Variants in TXNRD1 observed in about 807,000 individuals in gnomAD.
TXNRD1 encodes the protein thioredoxin reductase 1.
A neutral mutation model predicts 80.3 loss-of-function variants in TXNRD1; 57 were observed. The ratio of observed to expected loss-of-function variants is 0.71; its 90% confidence interval spans 0.57 to 0.89. TXNRD1 has a LOEUF of 0.89. Among genes scored for constraint, TXNRD1 ranks in the 40% least tolerant of loss-of-function variants. The pLI, the probability that TXNRD1 is intolerant of heterozygous loss-of-function variation, is 0.00. For missense variants in TXNRD1, 730 were observed against 803.0 expected (o/e 0.91, Z 1.10); for synonymous variants, 291 against 285.2 (o/e 1.02, Z -0.20).
At chr12:104,336,448 G>T (rs999617165) in intron 15 of TXNRD1, among the ~76,000 whole-genome samples, 1 of 152,128 alleles carries the variant, frequency 6.6e-6, no homozygotes, top group Admixed American at 6.5e-5. Flanking sequence ...CACTATCCCT[G>T]GGGCGTGCTT....
chr12:104,254,995 C>T (rs1331110961), intron 2 of TXNRD1, among the ~76,000 whole-genome samples: 3 of 151,984 alleles, frequency 2.0e-5, no homozygotes, highest in African/African-American at 7.2e-5. Flanking sequence ...ATCCCAGCTA[C>T]TCAGGAGGCA....
In TXNRD1 at chr12:104,339,243, C is replaced by T. The variant is rs374678730; in HGVS notation, c.1851C>T (p.Ser617=). Reference sequence around the variant, plus strand: ...GACTGACCAAAAAGCAGCTGGACAGCACAATTGGAATCCACCCTGTCTGTG... The same window carrying T: ...GACTGACCAAAAAGCAGCTGGACAGTACAATTGGAATCCACCCTGTCTGTG... The part of the protein sequence containing the change: ...KCGLTKKQLD[S]TIGIHPVCAE... The change falls in exon 16 of 17, where the codon AGC becomes AGT. Residue 617 remains serine, a synonymous_variant. Transcript: ENST00000525566. 1.4e-5 allele frequency: 23 copies of T among 1,613,782 alleles called. No individual in the cohort carries two copies. In the African/African-American group the frequency reaches 2.8e-4, roughly 20 times the overall value.
At chr12:104,226,455 A>C (rs1041669519) in intron 1 of TXNRD1, among the ~76,000 whole-genome samples, 1 of 152,194 alleles carries the variant, frequency 6.6e-6, no homozygotes, top group Non-Finnish European at 1.5e-5. Context: ...ATATAATAAC[A>C]GTGTAGCCTC....
chr12:104,256,594 C>T (rs984368950), intron 2 of TXNRD1, among the ~76,000 whole-genome samples: 11 of 151,986 alleles, frequency 7.2e-5, no homozygotes, highest in African/African-American at 2.4e-4. Context: ...TCCTGGCCAA[C>T]ATGGTGAAAC....
intron 4 of TXNRD1, among the ~76,000 whole-genome samples, chr12:104,295,935 T>A (rs2034423228): frequency 6.6e-6 from 1 of 152,238 alleles, no homozygotes; most frequent in Non-Finnish European, 1.5e-5. Flanking sequence ...GTTGAATACC[T>A]ATTATGTGTT....
Position 104,251,698 on chromosome 12 carries a change from G to A in TXNRD1, c.243+20G>A, listed in dbSNP as rs372547917. The A allele has an allele frequency of 2.4e-5, 39 of 1,601,794 alleles. No homozygotes were observed. Among genetic ancestry groups the A allele is most frequent in the Non-Finnish European group, 3.2e-5 (38 of 1,175,046 alleles). ...ACTGAGGTAAGGCTTTAAACTCAAG[G>A]GGTTTAAATGGAATTGAAGGAATTT... On this transcript the variant is annotated intron_variant, in intron 2 of 16. Transcript: ENST00000525566.
chr12:104,297,832 C>T (rs1359661941), intron 4 of TXNRD1, among the ~76,000 whole-genome samples: 1 of 152,146 alleles, frequency 6.6e-6, no homozygotes, highest in Admixed American at 6.5e-5. Context: ...TAGCCACATA[C>T]CCAGTCCTTC....
chr12:104,223,092 A>T (rs972270714), intron 1 of TXNRD1, among the ~76,000 whole-genome samples: 2 of 152,238 alleles, frequency 1.3e-5, no homozygotes, highest in East Asian at 1.9e-4. Context: ...ATTTTTCTTA[A>T]GATTGTGGAT....
At chr12:104,228,062 G>C (rs2032516235) in intron 1 of TXNRD1, among the ~76,000 whole-genome samples, 1 of 152,120 alleles carries the variant, frequency 6.6e-6, no homozygotes, top group Non-Finnish European at 1.5e-5. Context: ...CGGCACTTTG[G>C]GAAGCCGAGC....
intron 3 of TXNRD1, chr12:104,286,678 C>T: frequency 1.0e-6 from 1 of 985,446 alleles, no homozygotes; most frequent in African/African-American, 1.7e-5. Context: ...CACCAGGATT[C>T]TAAAGACCCT....
chr12:104,310,148 G>A (rs941684006), intron 4 of TXNRD1: 12 of 1,440,378 alleles, frequency 8.3e-6, no homozygotes, highest in Non-Finnish European at 1.0e-5. Context: ...CTTTTTGTTT[G>A]TTTGTTTTTT....
chr12:104,264,589 G>A (rs1246753904), intron 3 of TXNRD1, among the ~76,000 whole-genome samples: 2 of 152,084 alleles, frequency 1.3e-5, no homozygotes, highest in African/African-American at 2.4e-5. Context: ...TCCAGAGATA[G>A]CCACTATTAA....
chr12:104,327,320 C>G (rs889488542), intron 12 of TXNRD1, among the ~76,000 whole-genome samples, 195 bp from the exon 13 acceptor site: 1 of 152,102 alleles, frequency 6.6e-6, no homozygotes, highest in Non-Finnish European at 1.5e-5. Flanking sequence ...CTTTGATTTT[C>G]AGAACCGTGG....
At chr12:104,331,374 T>G (rs1488478272) in intron 13 of TXNRD1, among the ~76,000 whole-genome samples, 160 bp from the exon 14 acceptor site, 2 of 152,226 alleles carry the variant, frequency 1.3e-5, no homozygotes, top group African/African-American at 4.8e-5. Context: ...TGGTTCTCAA[T>G]GTAGTAGATT....
At chr12:104,302,716 C>T (rs2034687811) in intron 4 of TXNRD1, among the ~76,000 whole-genome samples, 1 of 151,186 alleles carries the variant, frequency 6.6e-6, no homozygotes. Context: ...GTCTCGATCT[C>T]CTGACCTCGT....
intron 15 of TXNRD1, among the ~76,000 whole-genome samples, chr12:104,337,580 G>A (rs938932416): frequency 1.3e-5 from 2 of 151,782 alleles, no homozygotes; most frequent in Non-Finnish European, 2.9e-5. Flanking sequence ...GACTTTGCTG[G>A]GCACAGTGGC....
At chr12:104,239,916 A>G (rs2032823481) in intron 1 of TXNRD1, among the ~76,000 whole-genome samples, 1 of 152,222 alleles carries the variant, frequency 6.6e-6, no homozygotes, top group Non-Finnish European at 1.5e-5. Context: ...CCAGCCTTGC[A>G]TTCCCAGGAC....
chr12:104,267,685 CTTTCTTTCTTTCTT>C (rs2033547412), intron 3 of TXNRD1, among the ~76,000 whole-genome samples: 1 of 39,070 alleles, frequency 2.6e-5, no homozygotes, highest in Non-Finnish European at 6.7e-5. Flanking sequence ...TTCTTTCTTT[CTTTCTTTCTTTCTT>C]TCTCTCTTTC....
chr12:104,324,630 G>A (rs557695983), intron 10 of TXNRD1, among the ~76,000 whole-genome samples: 1 of 150,544 alleles, frequency 6.6e-6, no homozygotes, highest in East Asian at 2.0e-4. Context: ...GATTACAGGC[G>A]TGAGCCACCG....
Sources: allele counts gnomAD v4.1 joint callset (sites outside exome capture counted in the v4.1 genomes callset), GRCh38; gene constraint gnomAD v4.1.1; transcripts MANE v1.5; gene names NCBI Gene and HGNC (gene_info 2026-07-23, HGNC 2026-07-21).